Variants in BDP1 observed in about 807,000 individuals in gnomAD.
BDP1 encodes the protein transcription factor TFIIIB component B'' homolog.
Under a neutral mutation model 266.6 loss-of-function variants are expected in BDP1, and 169 were observed. That is an observed-to-expected ratio of 0.63 (90% CI 0.56 to 0.72). The LOEUF (loss-of-function observed/expected upper bound fraction) is 0.72. Ranked by LOEUF, BDP1 falls within the 30% of genes least tolerant of loss-of-function variation. The probability of loss-of-function intolerance (pLI) is 0.00; values close to 1 mark genes in which losing one functional copy is unlikely to be tolerated. For synonymous variants in BDP1, 1,090 were observed against 1,022.4 expected (o/e 1.07, Z -1.26); for missense variants, 3,015 against 3,053.8 (o/e 0.99, Z 0.30).
At chr5:71,517,526 T>C (rs1765285362) in intron 22 of BDP1, 74 bp downstream of exon 22, 1 of 1,272,852 alleles carries the variant, frequency 7.9e-7, no homozygotes, top group Non-Finnish European at 1.1e-6. Context: ...GTTGACTTTA[T>C]ATATTAATAA....
chr5:71,489,846 A>G (rs1763483406), intron 10 of BDP1, among the ~76,000 whole-genome samples, 164 bp downstream of exon 10: 1 of 152,204 alleles, frequency 6.6e-6, no homozygotes, highest in African/African-American at 2.4e-5. Flanking sequence ...TAATTAAAAA[A>G]GTTTATGTAA....
intron 17 of BDP1, 109 bp from the exon 18 acceptor site, chr5:71,512,132 C>T (rs753860073): frequency 1.8e-6 from 1 of 543,798 alleles, no homozygotes. Flanking sequence ...TTAAAAACTT[C>T]TAAAGTTTTA....
At chr5:71,484,422 T>G (rs552196316) in intron 8 of BDP1, among the ~76,000 whole-genome samples, 4 of 152,176 alleles carry the variant, frequency 2.6e-5, no homozygotes, top group African/African-American at 9.6e-5. Context: ...AAGCATAATT[T>G]TAGGTAGTGA....
intron 12 of BDP1, 31 bp from the exon 13 acceptor site, chr5:71,497,239 T>C (rs745958121): frequency 6.3e-7 from 1 of 1,597,470 alleles, no homozygotes; most frequent in South Asian, 1.1e-5. Flanking sequence ...ACTGCATGTT[T>C]GATGCTATTT....
chr5:71,498,230 G>A (rs899968504), intron 13 of BDP1, among the ~76,000 whole-genome samples: 2 of 151,920 alleles, frequency 1.3e-5, no homozygotes, highest in African/African-American at 4.8e-5. Context: ...GATTACAGGC[G>A]TGAGCCACCG....
chr5:71,525,992 C>T (rs563335979), intron 25 of BDP1, among the ~76,000 whole-genome samples: 11 of 147,210 alleles, frequency 7.5e-5, no homozygotes, highest in African/African-American at 2.3e-4. Flanking sequence ...ACATCCCAGA[C>T]GATGGGCGGC....
chr5:71,504,104 C>G (rs574673145), intron 15 of BDP1, among the ~76,000 whole-genome samples: 6 of 151,692 alleles, frequency 4.0e-5, no homozygotes, highest in African/African-American at 1.5e-4. Context: ...AACCCCTTCT[C>G]TACTAAAAAT....
intron 9 of BDP1, 63 bp from the exon 10 acceptor site, chr5:71,489,341 C>G: frequency 7.8e-7 from 1 of 1,282,042 alleles, no homozygotes; most frequent in Non-Finnish European, 1.1e-6. Flanking sequence ...GAGTCTCTTT[C>G]CCACCTTTAC....
Position 71,532,440 on chromosome 5 carries a change from T to C in BDP1, c.5892+13T>C, listed in dbSNP as rs1362616491. ...GAGTGTACCGTTTGTAAGCATCCATTTTAATATGTTTTGGCCTTTTATTCT... is the reference window on the plus strand; with the variant it reads ...GAGTGTACCGTTTGTAAGCATCCATCTTAATATGTTTTGGCCTTTTATTCT... On this transcript the variant is annotated intron_variant, in intron 26 of 38. Coordinates refer to ENST00000358731, the MANE Select transcript of BDP1 (RefSeq NM_018429.3). 2 of 1,611,514 alleles carry C rather than the reference T, an allele frequency of 1.2e-6. No individual in the cohort carries two copies.
chr5:71,542,094 T>A lies in BDP1; in HGVS notation c.6252-11T>A, dbSNP rs1464954966. 1.3e-6 allele frequency: 2 copies of A among 1,595,628 alleles called. No homozygotes were observed. Among genetic ancestry groups the A allele is most frequent in the African/African-American group, 2.7e-5 (2 of 74,012 alleles). On this transcript the variant is annotated splice_polypyrimidine_tract_variant and intron_variant, in intron 29 of 38. Coordinates refer to ENST00000358731, the MANE Select transcript of BDP1 (RefSeq NM_018429.3). Reference sequence around the variant, plus strand: ...ACATGATTCATGAATTTCTCTATCTTCTGTTTTTAGGAATACAATTTCTAA... The same window carrying A: ...ACATGATTCATGAATTTCTCTATCTACTGTTTTTAGGAATACAATTTCTAA...
In BDP1 at chr5:71,509,621, G is replaced by A; in HGVS notation, c.2529G>A (p.Met843Ile). 3 of 1,613,748 alleles carry A rather than the reference G, an allele frequency of 1.9e-6. No homozygotes were observed. Among genetic ancestry groups the A allele is most frequent in the Non-Finnish European group, 2.5e-6 (3 of 1,179,920 alleles). Reference protein sequence around the residue: ...VLEKILVSGEMAAALRETVRL... With the variant: ...VLEKILVSGEIAAALRETVRL... ...AGAAGATTCTTGTCTCTGGGGAAAT[G>A]GCGGCAGCATTGAGAGAAACTGTAA... Residue 843 changes from methionine (M) to isoleucine (I), a missense_variant, in exon 17 of 39, where the codon ATG (methionine) becomes ATA (isoleucine). Physicochemically the swap from Met to Ile is conservative, Grantham distance 10. Transcript: ENST00000358731.
rs559163512 is a variant in BDP1 at position 71,473,044 on chromosome 5, G to A, written c.1014+2555G>A. On this transcript the variant is annotated intron_variant, in intron 7 of 38. Transcript: ENST00000358731. ...ACTACGGGCACGTGCCACAATGCCCGGCTAATTTTTCGTATTTTTTTGTAG... is the reference window on the plus strand; with the variant it reads ...ACTACGGGCACGTGCCACAATGCCCAGCTAATTTTTCGTATTTTTTTGTAG... Among the ~76,000 whole-genome samples, 130 of 150,814 alleles carry A rather than the reference G, an allele frequency of 8.6e-4. 1 individual carries two copies. Among genetic ancestry groups the A allele is most frequent in the African/African-American group, 2.9e-3 (121 of 41,150 alleles).
chr5:71,498,752 C>T (rs1409685844), intron 13 of BDP1, among the ~76,000 whole-genome samples: 1 of 143,100 alleles, frequency 7.0e-6, no homozygotes, highest in Non-Finnish European at 1.5e-5. Context: ...GACATAGGAT[C>T]TCGCCCAGTC....
At chr5:71,516,702 A>G (rs1264152460) in intron 21 of BDP1, among the ~76,000 whole-genome samples, 1 of 152,188 alleles carries the variant, frequency 6.6e-6, no homozygotes, top group African/African-American at 2.4e-5. Flanking sequence ...TGTTAGTTAC[A>G]TCATTTTTGC....
At chr5:71,545,288 ATTTACATAC>A in intron 32 of BDP1, 69 bp downstream of exon 32, 2 of 1,329,648 alleles carry the variant, frequency 1.5e-6, no homozygotes, top group Non-Finnish European at 2.1e-6. Context: ...AAAAGGTATA[ATTTACATAC>A]AATAAACTTC....
chr5:71,527,117 C>T (rs191886170), intron 25 of BDP1, among the ~76,000 whole-genome samples: 22 of 151,470 alleles, frequency 1.5e-4, no homozygotes, highest in Admixed American at 4.6e-4. Flanking sequence ...GATGGGGTTT[C>T]GCTATGTTGC....
chr5:71,513,341 C>T lies in BDP1; in HGVS notation c.4404C>T (p.Thr1468=), dbSNP rs760012148. The change falls in exon 19 of 39, where the codon ACC becomes ACT. Residue 1468 remains threonine, a synonymous_variant. Coordinates refer to ENST00000358731, the MANE Select transcript of BDP1 (RefSeq NM_018429.3). The part of the protein sequence containing the change: ...EKYIYEKKSE[T]KKMETIVMQE... ...ATATATATGAGAAGAAATCAGAAACCAAGAAAATGGAGACTATTGTGATGC... is the reference window on the plus strand; with the variant it reads ...ATATATATGAGAAGAAATCAGAAACTAAGAAAATGGAGACTATTGTGATGC... 3.4e-5 allele frequency: 54 copies of T among 1,604,314 alleles called. 1 individual carries two copies. The Admixed American group carries it at 6.4e-4, about 19-fold the overall frequency.
intron 7 of BDP1, among the ~76,000 whole-genome samples, chr5:71,477,825 G>A (rs904010607): frequency 2.0e-5 from 3 of 151,820 alleles, no homozygotes; most frequent in Middle Eastern, 3.4e-3. Context: ...TTGCCATGTC[G>A]CCCAGGCTGG....
chr5:71,493,588 T>C (rs1763719908), intron 11 of BDP1, among the ~76,000 whole-genome samples: 1 of 152,180 alleles, frequency 6.6e-6, no homozygotes, highest in Non-Finnish European at 1.5e-5. Flanking sequence ...CCAGTTGGTT[T>C]TGGAAAACAA....
Sources: gnomAD v4.1 joint callset for allele counts (sites outside exome capture counted in the v4.1 genomes callset) on GRCh38, gnomAD v4.1.1 for gene constraint, MANE v1.5 for transcripts, NCBI Gene and HGNC (gene_info 2026-07-23, HGNC 2026-07-21) for gene names.